The following CPQ variants were observed in gnomAD, a reference collection of about 807,000 sequenced individuals.
CPQ encodes Ser-Met dipeptidase.
Under a neutral mutation model 45.7 loss-of-function variants are expected in CPQ, and 37 were observed. The observed-to-expected ratio is 0.81, with a 90% CI of 0.62 to 1.07. The LOEUF (loss-of-function observed/expected upper bound fraction) is 1.07. Ranked by LOEUF, CPQ falls within the 50% of genes least tolerant of loss-of-function variation. The probability of loss-of-function intolerance (pLI) is 0.00; values close to 1 mark genes in which losing one functional copy is unlikely to be tolerated. For synonymous variants in CPQ, 186 were observed against 205.8 expected (o/e 0.90, Z 0.82); for missense variants, 537 against 572.9 (o/e 0.94, Z 0.64).
At chr8:96,934,962 T>C (rs1056957471) in intron 4 of CPQ, among the ~76,000 whole-genome samples, 2 of 152,198 alleles carry the variant, frequency 1.3e-5, no homozygotes, top group Admixed American at 6.5e-5. Context: ...TTTGATTACT[T>C]AACCTAGGAC....
intron 6 of CPQ, among the ~76,000 whole-genome samples, chr8:97,032,266 A>G (rs1809919456): frequency 6.6e-6 from 1 of 152,236 alleles, no homozygotes; most frequent in Admixed American, 6.5e-5. Flanking sequence ...GCTCTGCTTT[A>G]TACAGGTATT....
intron 1 of CPQ, among the ~76,000 whole-genome samples, chr8:96,652,677 A>G (rs995231251): frequency 6.6e-6 from 1 of 152,132 alleles, no homozygotes; most frequent in African/African-American, 2.4e-5. Flanking sequence ...CTATCGCCCA[A>G]GCTGGAGTGC....
chr8:96,872,818 T>C (rs1812089203), intron 3 of CPQ, among the ~76,000 whole-genome samples: 1 of 151,902 alleles, frequency 6.6e-6, no homozygotes, highest in Admixed American at 6.6e-5. Context: ...CAAAAGCTAA[T>C]ATTTATTCAA....
intron 5 of CPQ, among the ~76,000 whole-genome samples, chr8:96,981,518 T>G (rs1454265989): frequency 6.6e-6 from 1 of 152,208 alleles, no homozygotes; most frequent in Non-Finnish European, 1.5e-5. Flanking sequence ...TGGAATTTAC[T>G]CCTTTTCTGA....
intron 5 of CPQ, among the ~76,000 whole-genome samples, chr8:96,974,496 T>G (rs528253088): frequency 5.3e-5 from 8 of 152,214 alleles, no homozygotes; most frequent in African/African-American, 1.9e-4. Flanking sequence ...AAACTCTACC[T>G]AAATGATACC....
chr8:96,935,039 T>C (rs1813026124), intron 4 of CPQ, among the ~76,000 whole-genome samples: 1 of 152,182 alleles, frequency 6.6e-6, no homozygotes, highest in African/African-American at 2.4e-5. Context: ...GAAACTTGTT[T>C]GATAAGCAGG....
intron 5 of CPQ, among the ~76,000 whole-genome samples, chr8:97,014,946 G>A (rs1809554325): frequency 6.6e-6 from 1 of 152,074 alleles, no homozygotes; most frequent in Non-Finnish European, 1.5e-5. Context: ...GTTTGGTGTT[G>A]AAAAGGGATC....
chr8:96,837,165 G>A (rs975417313), intron 3 of CPQ, among the ~76,000 whole-genome samples: 2 of 152,022 alleles, frequency 1.3e-5, no homozygotes, highest in Admixed American at 6.6e-5. Context: ...TTTAAGTTTT[G>A]CATCCTAAGA....
intron 4 of CPQ, among the ~76,000 whole-genome samples, chr8:96,948,916 T>C (rs1295985658): frequency 6.6e-6 from 1 of 152,092 alleles, no homozygotes; most frequent in Admixed American, 6.6e-5. Flanking sequence ...TCTCTTGTGA[T>C]AGTTTTTGAC....
chr8:96,999,472 T>C (rs149995176), intron 5 of CPQ, among the ~76,000 whole-genome samples: 63 of 152,174 alleles, frequency 4.1e-4, no homozygotes, highest in Middle Eastern at 3.4e-3. Context: ...CTCCCACTTA[T>C]AAGTGAGAAG....
intron 4 of CPQ, among the ~76,000 whole-genome samples, chr8:96,900,127 G>A (rs1281283985): frequency 6.6e-6 from 1 of 152,122 alleles, no homozygotes; most frequent in African/African-American, 2.4e-5. Flanking sequence ...GCTCAGAAAG[G>A]TTTTGTTAAC....
rs768608563 is a variant in CPQ at position 96,866,425 on chromosome 8, T to C, written c.642-13373T>C. ...GACCCTTTAGATTATGTAATATTCT[T>C]GCAAGGCAACTAGGAAAAATAGTTT... On this transcript the variant is annotated intron_variant, in intron 3 of 7. Transcript: ENST00000220763. Among the ~76,000 whole-genome samples, 132 of 152,210 alleles carry C rather than the reference T, an allele frequency of 8.7e-4. 1 individual carries two copies. The highest frequency in any genetic ancestry group is 7.8e-4 in the Non-Finnish European group (53 of 67,972).
chr8:96,888,983 T>C (rs140972218), intron 4 of CPQ, among the ~76,000 whole-genome samples: 1 of 152,322 alleles, frequency 6.6e-6, no homozygotes, highest in East Asian at 1.9e-4. Flanking sequence ...GCATCCTGTC[T>C]CTTATATTTT....
chr8:96,944,080 T>C (rs774774097), intron 4 of CPQ, among the ~76,000 whole-genome samples: 7 of 152,208 alleles, frequency 4.6e-5, no homozygotes, highest in Non-Finnish European at 8.8e-5. Context: ...TCTGGAGTTA[T>C]ACAGCCCTTC....
At chr8:97,142,079 G>T (rs1812177140) in intron 7 of CPQ, among the ~76,000 whole-genome samples, 1 of 152,172 alleles carries the variant, frequency 6.6e-6, no homozygotes, top group African/African-American at 2.4e-5. Context: ...GGGTTTCCAA[G>T]ATACTGGTGA....
At chr8:96,664,994 G>A (rs1213852103) in intron 1 of CPQ, among the ~76,000 whole-genome samples, 5 of 152,170 alleles carry the variant, frequency 3.3e-5, no homozygotes, top group East Asian at 1.9e-4. Flanking sequence ...AAAGCTTTAA[G>A]TCTAGTGATA....
At chr8:96,997,285 A>G (rs1809194471) in intron 5 of CPQ, among the ~76,000 whole-genome samples, 1 of 151,974 alleles carries the variant, frequency 6.6e-6, no homozygotes. Flanking sequence ...TTTGATATAC[A>G]CAGACCCTAG....
intron 1 of CPQ, among the ~76,000 whole-genome samples, chr8:96,749,504 G>A (rs183422143): frequency 1.5e-4 from 23 of 152,232 alleles, no homozygotes; most frequent in African/African-American, 4.8e-4. Flanking sequence ...ATCTTTCATC[G>A]TGCTCTGAAA....
intron 6 of CPQ, among the ~76,000 whole-genome samples, chr8:97,063,880 A>T (rs1810594080): frequency 6.6e-6 from 1 of 152,016 alleles, no homozygotes; most frequent in South Asian, 2.1e-4. Flanking sequence ...CCTGTAGTAT[A>T]ATTTGAAGTT....
Sources: allele counts gnomAD v4.1 joint callset (sites outside exome capture counted in the v4.1 genomes callset), GRCh38; gene constraint gnomAD v4.1.1; transcripts MANE v1.5; gene names NCBI Gene and HGNC (gene_info 2026-07-23, HGNC 2026-07-21).